Variants in PRKCA observed in about 807,000 individuals in gnomAD.
The protein encoded by PRKCA is protein kinase C alpha type.
Under a neutral mutation model 87.0 loss-of-function variants are expected in PRKCA, and 27 were observed. The ratio of observed to expected loss-of-function variants is 0.31; its 90% CI spans 0.23 to 0.43. The LOEUF is 0.43. Ranked by LOEUF, PRKCA falls within the 20% of genes least tolerant of loss-of-function variation. PRKCA has a pLI of 1.00. For missense variants in PRKCA, 518 were observed against 852.3 expected (o/e 0.61, Z 4.88); for synonymous variants, 329 against 311.1 (o/e 1.06, Z -0.61).
At chr17:66,631,538 C>A (rs546820252) in intron 3 of PRKCA, among the ~76,000 whole-genome samples, 1 of 152,284 alleles carries the variant, frequency 6.6e-6, no homozygotes, top group Non-Finnish European at 1.5e-5. Flanking sequence ...CCTGCCTCAG[C>A]CTCCCAAATA....
At chr17:66,779,258 A>G (rs1165317544) in intron 14 of PRKCA, among the ~76,000 whole-genome samples, 1 of 152,220 alleles carries the variant, frequency 6.6e-6, no homozygotes, top group Non-Finnish European at 1.5e-5. Flanking sequence ...TTTTCTTCTC[A>G]TTTGCTTTAT....
At chr17:66,478,307 T>G (rs1255539148) in intron 2 of PRKCA, among the ~76,000 whole-genome samples, 1 of 152,132 alleles carries the variant, frequency 6.6e-6, no homozygotes, top group Non-Finnish European at 1.5e-5. Flanking sequence ...CAGACTGGAG[T>G]GCAGTGGCAC....
intron 3 of PRKCA, among the ~76,000 whole-genome samples, chr17:66,547,463 C>T (rs191274969): frequency 6.6e-6 from 1 of 152,140 alleles, no homozygotes; most frequent in East Asian, 1.9e-4. Context: ...GACTGATAAT[C>T]ACTGTTCCAT....
chr17:66,735,575 G>A lies in PRKCA; in HGVS notation c.1143G>A (p.Val381=). 3.1e-6 allele frequency: 5 copies of A among 1,614,150 alleles called. No individual in the cohort carries two copies. Among genetic ancestry groups the A allele is most frequent in the South Asian group, 1.1e-5 (1 of 91,084 alleles). ...KKDVVIQDDD[V]ECTMVEKRVL... ...ATGTGGTGATTCAGGATGATGACGTGGAGTGCACCATGGTAGAAAAGCGAG... is the reference window on the plus strand; with the variant it reads ...ATGTGGTGATTCAGGATGATGACGTAGAGTGCACCATGGTAGAAAAGCGAG... Residue 381 remains valine (V), a synonymous_variant, in exon 10 of 17, where the codon GTG becomes GTA. Transcript: ENST00000413366.
intron 2 of PRKCA, among the ~76,000 whole-genome samples, chr17:66,456,246 A>G (rs959768986): frequency 2.0e-5 from 3 of 152,178 alleles, no homozygotes; most frequent in African/African-American, 7.2e-5. Context: ...CTGAGAATAG[A>G]TTCCTGTTCT....
intron 2 of PRKCA, among the ~76,000 whole-genome samples, chr17:66,439,203 C>G (rs998205130): frequency 6.6e-6 from 1 of 150,588 alleles, no homozygotes; most frequent in Non-Finnish European, 1.5e-5. Flanking sequence ...TTTATTGAGA[C>G]AGAGTCTTGC....
At chr17:66,363,359 C>G (rs1598616563) in intron 2 of PRKCA, among the ~76,000 whole-genome samples, 1 of 152,168 alleles carries the variant, frequency 6.6e-6, no homozygotes, top group African/African-American at 2.4e-5. Context: ...TTAGAGGAAA[C>G]AGTTACTGAT....
At chr17:66,552,229 T>TA (rs1199449898) in intron 3 of PRKCA, among the ~76,000 whole-genome samples, 7 of 152,122 alleles carry the variant, frequency 4.6e-5, no homozygotes, top group Admixed American at 4.6e-4. Context: ...GCCTGGGAGT[T>TA]AGAGGGTGCA....
chr17:66,382,563 A>G (rs577066062), intron 2 of PRKCA, among the ~76,000 whole-genome samples: 17 of 152,296 alleles, frequency 1.1e-4, no homozygotes, highest in Admixed American at 8.5e-4. Context: ...AGCCTCCCAA[A>G]GTGCTGGGAT....
intron 2 of PRKCA, among the ~76,000 whole-genome samples, chr17:66,393,269 G>A (rs1024489128): frequency 9.2e-5 from 14 of 152,166 alleles, no homozygotes; most frequent in African/African-American, 3.1e-4. Context: ...TACATTGGAG[G>A]AAGATGTTCA....
At chr17:66,694,616 T>A (rs538045221) in intron 8 of PRKCA, among the ~76,000 whole-genome samples, 1 of 152,042 alleles carries the variant, frequency 6.6e-6, no homozygotes, top group South Asian at 2.1e-4. Context: ...AACGTCACAG[T>A]TGATTGACTA....
chr17:66,734,552 A>G (rs1210630087), intron 9 of PRKCA, among the ~76,000 whole-genome samples: 2 of 152,170 alleles, frequency 1.3e-5, no homozygotes, highest in Non-Finnish European at 2.9e-5. Flanking sequence ...TCTCATCGCC[A>G]TCTTGGATTT....
At chr17:66,353,203 T>C (rs1037768815) in intron 2 of PRKCA, among the ~76,000 whole-genome samples, 2 of 152,198 alleles carry the variant, frequency 1.3e-5, no homozygotes, top group Non-Finnish European at 2.9e-5. Context: ...TCCTTTCCAT[T>C]AAGTGCAGCA....
At chr17:66,581,655 T>C (rs572209578) in intron 3 of PRKCA, among the ~76,000 whole-genome samples, 1 of 152,094 alleles carries the variant, frequency 6.6e-6, no homozygotes, top group Admixed American at 6.6e-5. Flanking sequence ...TTTTGTATTT[T>C]TAATAGAGAT....
At position 66,706,275 on chromosome 17, in the gene PRKCA, C is replaced by T. The variant is rs368832191; in HGVS notation, c.918+17228C>T. Among the ~76,000 whole-genome samples the T allele has an allele frequency of 6.6e-5, 10 of 152,170 alleles. No individual in the cohort carries two copies. The East Asian group carries it at 1.9e-3, about 29-fold the overall frequency. ...CACCCCCAGTACCCATATTAAATAG[C>T]GAAGGGATCAGTGAACTGTGACCCA... On this transcript the variant is annotated intron_variant, in intron 8 of 16. Transcript: ENST00000413366.
chr17:66,745,584 G>T (rs111815663), intron 13 of PRKCA, among the ~76,000 whole-genome samples: 1 of 152,046 alleles, frequency 6.6e-6, no homozygotes, highest in Non-Finnish European at 1.5e-5. Flanking sequence ...AGGATGCTGA[G>T]GCAGGAGAAT....
chr17:66,671,697 A>G (rs1450698375), intron 5 of PRKCA, among the ~76,000 whole-genome samples: 3 of 152,222 alleles, frequency 2.0e-5, no homozygotes, highest in African/African-American at 7.2e-5. Flanking sequence ...AAAGCAGTGG[A>G]AGTAGAATTG....
chr17:66,605,116 G>C (rs1443735094), intron 3 of PRKCA, among the ~76,000 whole-genome samples: 1 of 152,184 alleles, frequency 6.6e-6, no homozygotes, highest in African/African-American at 2.4e-5. Flanking sequence ...ACACACGTGT[G>C]TATGTAAAGG....
At chr17:66,474,380 ATGT>A in intron 2 of PRKCA, among the ~76,000 whole-genome samples, 1 of 152,316 alleles carries the variant, frequency 6.6e-6, no homozygotes, top group East Asian at 1.9e-4. Flanking sequence ...TGCCCAGACA[ATGT>A]TGTATCTATA....
Sources: gnomAD v4.1 joint callset for allele counts (sites outside exome capture counted in the v4.1 genomes callset) on GRCh38, gnomAD v4.1.1 for gene constraint, MANE v1.5 for transcripts, NCBI Gene and HGNC (gene_info 2026-07-23, HGNC 2026-07-21) for gene names.